The following SLC9A9 variants were observed in gnomAD, a reference collection of about 807,000 sequenced individuals.
SLC9A9 encodes the protein solute carrier family 9 member A9.
A neutral mutation model predicts 77.8 loss-of-function variants in SLC9A9; 62 were observed. That is an observed-to-expected ratio of 0.80 (90% CI 0.65 to 0.98). The LOEUF is 0.98. Ranked by LOEUF, SLC9A9 falls within the 50% of genes least tolerant of loss-of-function variation. The pLI is 0.00. For missense variants in SLC9A9, 775 were observed against 774.9 expected (o/e 1.00, Z 0.00); for synonymous variants, 320 against 283.5 (o/e 1.13, Z -1.29).
At chr3:143,790,912 T>C (rs886608015) in intron 4 of SLC9A9, among the ~76,000 whole-genome samples, 2 of 152,212 alleles carry the variant, frequency 1.3e-5, no homozygotes, top group Non-Finnish European at 2.9e-5. Context: ...GAGCATATAA[T>C]TTTTGTTGCT....
intron 2 of SLC9A9, 76 bp downstream of exon 2, chr3:143,831,943 A>G (rs2009445741): frequency 3.6e-6 from 5 of 1,370,718 alleles, no homozygotes; most frequent in Admixed American, 3.8e-5. Flanking sequence ...GCATTATATA[A>G]AAAGTATAAA....
At chr3:143,674,384 G>C (rs1188513838) in intron 5 of SLC9A9, among the ~76,000 whole-genome samples, 1 of 152,082 alleles carries the variant, frequency 6.6e-6, no homozygotes, top group East Asian at 1.9e-4. Flanking sequence ...ATTTTTAGTG[G>C]AAGGCTCCTC....
At chr3:143,612,145 TCTCTACAGAGAGGCGTTGACC>T (rs2038033314) in intron 6 of SLC9A9, among the ~76,000 whole-genome samples, 1 of 152,156 alleles carries the variant, frequency 6.6e-6, no homozygotes, top group African/African-American at 2.4e-5. Flanking sequence ...AGAGGGTGGG[TCTCTACAGAGAGGCGTTGACC>T]CTATTCACCT....
intron 4 of SLC9A9, among the ~76,000 whole-genome samples, chr3:143,699,861 T>C (rs776942520): frequency 3.6e-4 from 55 of 151,984 alleles, no homozygotes; most frequent in Non-Finnish European, 6.5e-4. Flanking sequence ...GCGTGGCTAA[T>C]GCGGTGCCTG....
intron 4 of SLC9A9, among the ~76,000 whole-genome samples, chr3:143,697,238 T>A (rs995340659): frequency 2.6e-5 from 4 of 152,070 alleles, no homozygotes; most frequent in Non-Finnish European, 5.9e-5. Flanking sequence ...AAGTTAATGA[T>A]TATATCTAAT....
chr3:143,307,475 A>T (rs1228318014), intron 14 of SLC9A9, among the ~76,000 whole-genome samples: 1 of 152,240 alleles, frequency 6.6e-6, no homozygotes, highest in Non-Finnish European at 1.5e-5. Context: ...TCAAATGAGT[A>T]CATTTAGGCT....
intron 8 of SLC9A9, among the ~76,000 whole-genome samples, chr3:143,561,236 G>C (rs746589648): frequency 5.9e-5 from 9 of 152,054 alleles, no homozygotes; most frequent in Non-Finnish European, 1.3e-4. Context: ...TGAAATTTTA[G>C]ATTATTTAGA....
chr3:143,794,541 C>A (rs964394050), intron 4 of SLC9A9, among the ~76,000 whole-genome samples: 4 of 152,138 alleles, frequency 2.6e-5, no homozygotes, highest in African/African-American at 9.7e-5. Context: ...CTGTATTAAG[C>A]AACTCTGTTG....
intron 4 of SLC9A9, among the ~76,000 whole-genome samples, chr3:143,770,214 TAAAC>T (rs2007468192): frequency 1.3e-5 from 2 of 151,392 alleles, no homozygotes; most frequent in African/African-American, 4.9e-5. Context: ...ATACTGAAAA[TAAAC>T]AAGCAAGAAT....
intron 13 of SLC9A9, among the ~76,000 whole-genome samples, chr3:143,379,283 A>T (rs2108496481): frequency 6.6e-6 from 1 of 152,346 alleles, no homozygotes; most frequent in African/African-American, 2.4e-5. Context: ...AGAGATGTTG[A>T]TAATAAGACA....
At chr3:143,714,002 C>T (rs1934265394) in intron 4 of SLC9A9, among the ~76,000 whole-genome samples, 1 of 152,200 alleles carries the variant, frequency 6.6e-6, no homozygotes, top group Non-Finnish European at 1.5e-5. Context: ...TTTTTCCAAA[C>T]TTGACTGTGG....
intron 7 of SLC9A9, among the ~76,000 whole-genome samples, chr3:143,577,372 G>A (rs1041936666): frequency 2.6e-5 from 4 of 152,034 alleles, no homozygotes; most frequent in African/African-American, 9.7e-5. Context: ...CTGAATCACC[G>A]ACTGCTCAGC....
intron 9 of SLC9A9, among the ~76,000 whole-genome samples, chr3:143,512,325 T>C (rs2036130158): frequency 6.6e-6 from 1 of 152,192 alleles, no homozygotes. Context: ...ATGTAACAAG[T>C]AGACATAGAT....
chr3:143,706,470 T>G, intron 4 of SLC9A9, among the ~76,000 whole-genome samples: 1 of 84,654 alleles, frequency 1.2e-5, no homozygotes, highest in South Asian at 3.3e-4. Context: ...GTTCTTTCTG[T>G]TTAATTAGAA....
intron 14 of SLC9A9, among the ~76,000 whole-genome samples, chr3:143,278,230 AG>A (rs1169803701): frequency 1.3e-5 from 2 of 152,348 alleles, no homozygotes; most frequent in African/African-American, 4.8e-5. Context: ...ACTAAGTCAA[AG>A]AGGAAACTAC....
At chr3:143,682,883 A>C (rs1933147404) in intron 5 of SLC9A9, among the ~76,000 whole-genome samples, 2 of 152,302 alleles carry the variant, frequency 1.3e-5, no homozygotes, top group South Asian at 4.1e-4. Flanking sequence ...ATGTGATTAA[A>C]CTGGGCCCAT....
At chr3:143,306,009 T>C (rs1476392448) in intron 14 of SLC9A9, among the ~76,000 whole-genome samples, 1 of 152,232 alleles carries the variant, frequency 6.6e-6, no homozygotes, top group Non-Finnish European at 1.5e-5. Flanking sequence ...TATGAACATT[T>C]GATTTTTTCC....
intron 5 of SLC9A9, among the ~76,000 whole-genome samples, chr3:143,675,306 G>T (rs528645161): frequency 6.6e-6 from 1 of 152,338 alleles, no homozygotes; most frequent in Admixed American, 6.5e-5. Context: ...TATGACACTT[G>T]TCAAGTGCAG....
intron 5 of SLC9A9, among the ~76,000 whole-genome samples, chr3:143,681,464 G>A (rs1933090987): frequency 6.6e-6 from 1 of 152,084 alleles, no homozygotes; most frequent in Non-Finnish European, 1.5e-5. Flanking sequence ...GGTATATTCT[G>A]CCTAACTAGC....
Sources: allele counts gnomAD v4.1 joint callset (sites outside exome capture counted in the v4.1 genomes callset), GRCh38; gene constraint gnomAD v4.1.1; transcripts MANE v1.5; gene names NCBI Gene and HGNC (gene_info 2026-07-23, HGNC 2026-07-21).